Variants in STIL observed in about 807,000 individuals in gnomAD.
STIL encodes SCL-interrupting locus protein.
A neutral mutation model predicts 110.1 loss-of-function variants in STIL; 55 were observed. That is an observed-to-expected ratio of 0.50 (90% CI 0.40 to 0.63). The LOEUF is 0.63. Among genes scored for constraint, STIL ranks in the 20% least tolerant of loss-of-function variants. STIL has a pLI of 0.00. For missense variants in STIL, 1,358 were observed against 1,530.0 expected (o/e 0.89, Z 1.87); for synonymous variants, 481 against 530.0 (o/e 0.91, Z 1.27).
At chr1:47,270,156 T>G (rs1644776935) in intron 13 of STIL, among the ~76,000 whole-genome samples, 1 of 151,102 alleles carries the variant, frequency 6.6e-6, no homozygotes, top group South Asian at 2.1e-4. Flanking sequence ...TAAGATCACT[T>G]GAGCCCAGGA....
At position 47,269,797 on chromosome 1, in the gene STIL, G is replaced by GT; in HGVS notation, c.2452dup (p.Thr818AsnfsTer6). On this transcript the variant is annotated frameshift_variant, in exon 14 of 17. Coordinates refer to ENST00000371877, the MANE Select transcript of STIL (RefSeq NM_001048166.1). LOFTEE classifies it high-confidence loss of function. ...ATTCATGTCCTCACTGGAAATTTTG[G>GT]TATCATCTTGCTTCATTTGAGAGTC... 1 of 1,614,102 alleles carries GT rather than the reference G, an allele frequency of 6.2e-7. No individual in the cohort carries two copies.
chr1:47,270,227 C>CAAA (rs34842407), intron 13 of STIL, among the ~76,000 whole-genome samples: 8 of 87,260 alleles, frequency 9.2e-5, no homozygotes, highest in African/African-American at 3.7e-4. Context: ...AACTCTGGCT[C>CAAA]AAAAAAAAAA....
intron 13 of STIL, among the ~76,000 whole-genome samples, chr1:47,270,388 C>T (rs75237804): frequency 6.7e-6 from 1 of 149,140 alleles, no homozygotes; most frequent in African/African-American, 2.5e-5. Context: ...GGGGACGGGT[C>T]GGGTGGAAGG....
chr1:47,258,529 A>C (rs993546209), intron 16 of STIL, among the ~76,000 whole-genome samples: 3 of 152,212 alleles, frequency 2.0e-5, no homozygotes, highest in African/African-American at 7.2e-5. Flanking sequence ...GTATATCCCT[A>C]TAAGGAAAAG....
chr1:47,289,143 A>G (rs896387917), intron 9 of STIL, among the ~76,000 whole-genome samples: 1 of 151,902 alleles, frequency 6.6e-6, no homozygotes, highest in African/African-American at 2.4e-5. Flanking sequence ...CAAGTATAAA[A>G]TGATATATGA....
In STIL at chr1:47,253,469, AG is replaced by A. The variant is rs1424145838; in HGVS notation, c.3081-1548del. ...GGACACACATAGTAGGCACTCAGTA[AG>A]TACTTGTTGAATGAATAAAAGTAGT... On this transcript the variant is annotated intron_variant, in intron 16 of 16. Coordinates refer to ENST00000371877, the MANE Select transcript of STIL (RefSeq NM_001048166.1). Among the ~76,000 whole-genome samples, 4 of 152,322 alleles carry A rather than the reference AG, an allele frequency of 2.6e-5. No individual in the cohort carries two copies. The East Asian group carries it at 7.7e-4, about 29-fold the overall frequency.
intron 13 of STIL, 76 bp from the exon 14 acceptor site, chr1:47,269,942 G>A (rs1167851519): frequency 1.4e-5 from 20 of 1,401,032 alleles, no homozygotes; most frequent in Middle Eastern, 1.8e-4. Flanking sequence ...CCTTTGTTAA[G>A]AATAGCCATA....
Position 47,299,952 on chromosome 1 carries a change from C to G in STIL, c.654G>C (p.Leu218Phe), listed in dbSNP as rs1211352857. 2.5e-6 allele frequency: 4 copies of G among 1,614,036 alleles called. No individual in the cohort carries two copies. In the East Asian group the frequency reaches 8.9e-5, roughly 36 times the overall value. ...PIIPTALARN[L>F]SSNLNISQVQ... is the part of the protein sequence containing the mutation. ...CTTGAGAAATATTCAGATTACTGCTCAAGTTTCTTGCCAGAGCTGTTGGAA... is the reference window on the plus strand; with the variant it reads ...CTTGAGAAATATTCAGATTACTGCTGAAGTTTCTTGCCAGAGCTGTTGGAA... The change falls in exon 6 of 17, where the codon TTG becomes TTC. Residue 218 changes from leucine (L) to phenylalanine (F), a missense_variant. Coordinates refer to ENST00000371877, the MANE Select transcript of STIL (RefSeq NM_001048166.1).
At chr1:47,253,784 C>A (rs1263587942) in intron 16 of STIL, among the ~76,000 whole-genome samples, 1 of 152,150 alleles carries the variant, frequency 6.6e-6, no homozygotes, top group African/African-American at 2.4e-5. Context: ...GTGCTAGCCA[C>A]TGCTTGCATT....
At chr1:47,266,760 T>C (rs1330792658) in intron 14 of STIL, among the ~76,000 whole-genome samples, 1 of 152,230 alleles carries the variant, frequency 6.6e-6, no homozygotes, top group African/African-American at 2.4e-5. Context: ...GTTAGTATCT[T>C]AACTTCCACT....
chr1:47,250,484 T>C lies in STIL; in HGVS notation c.*652A>G. 6.1e-6 allele frequency: 1 copy of C among 165,066 alleles called. No homozygotes were observed. The highest frequency in any genetic ancestry group is 1.3e-5 in the Non-Finnish European group (1 of 75,298). 10.2% of individuals were successfully genotyped at this position (165,066 alleles called of 1,614,324 possible). ...ATGATAACTTATGTTCTTTTAATGA[T>C]ATAGGATAAATGCAGAGATGCAACA... is the stretch of plus-strand genomic sequence containing the variant. On this transcript the variant is annotated 3_prime_UTR_variant, in exon 17 of 17. Transcript: ENST00000371877.
intron 16 of STIL, among the ~76,000 whole-genome samples, chr1:47,255,845 C>T (rs1420858480): frequency 6.6e-6 from 1 of 152,208 alleles, no homozygotes; most frequent in African/African-American, 2.4e-5. Flanking sequence ...CTCTCTTAAT[C>T]TCTGCGGCAT....
chr1:47,265,748 T>C (rs1644631776), intron 14 of STIL, among the ~76,000 whole-genome samples: 2 of 131,608 alleles, frequency 1.5e-5, no homozygotes, highest in African/African-American at 2.9e-5. Context: ...ATTGCGCCAC[T>C]GCACTCCAAC....
chr1:47,272,259 A>G lies in STIL; in HGVS notation c.2218-18T>C, dbSNP rs201877583. 2.4e-4 allele frequency: 387 copies of G among 1,614,068 alleles called. 2 individuals are homozygous for G. The highest frequency in any genetic ancestry group is 3.2e-4 in the Non-Finnish European group (378 of 1,179,964). On this transcript the variant is annotated intron_variant, in intron 12 of 16. Transcript: ENST00000371877. Reference sequence around the variant, plus strand: ...CGCTGAATCTGTATCAATTAAAAACATACTTTAAACTGACAGGGAAGTAAT... The same window carrying G: ...CGCTGAATCTGTATCAATTAAAAACGTACTTTAAACTGACAGGGAAGTAAT...
intron 14 of STIL, among the ~76,000 whole-genome samples, chr1:47,265,536 T>G (rs915577880): frequency 6.6e-6 from 1 of 151,678 alleles, no homozygotes; most frequent in African/African-American, 2.4e-5. Flanking sequence ...ATCCCAGCAC[T>G]TTGGGAGGCT....
At chr1:47,255,813 T>G (rs1644313128) in intron 16 of STIL, among the ~76,000 whole-genome samples, 1 of 152,200 alleles carries the variant, frequency 6.6e-6, no homozygotes, top group African/African-American at 2.4e-5. Context: ...GCACCCTTTT[T>G]CCCTGCCTTC....
At chr1:47,285,467 A>AT (rs1235219841) in intron 10 of STIL, among the ~76,000 whole-genome samples, 4 of 151,876 alleles carry the variant, frequency 2.6e-5, no homozygotes, top group African/African-American at 9.7e-5. Context: ...TATCTTTTTT[A>AT]TTTTTTTTGA....
intron 2 of STIL, among the ~76,000 whole-genome samples, chr1:47,308,622 T>C (rs1400562668): frequency 1.3e-5 from 2 of 150,690 alleles, no homozygotes; most frequent in Non-Finnish European, 3.0e-5. Context: ...GGAAGAGTAG[T>C]AGGGGTTGGG....
chr1:47,270,242 ATATATAT>A (rs796507137), intron 13 of STIL, among the ~76,000 whole-genome samples: 2 of 87,662 alleles, frequency 2.3e-5, no homozygotes, highest in African/African-American at 1.1e-4. Flanking sequence ...AAAAAAAAAA[ATATATAT>A]ATATATACAC....
Sources: gnomAD v4.1 joint callset for allele counts (sites outside exome capture counted in the v4.1 genomes callset) on GRCh38, gnomAD v4.1.1 for gene constraint, MANE v1.5 for transcripts, NCBI Gene and HGNC (gene_info 2026-07-23, HGNC 2026-07-21) for gene names.